The following FTO variants were observed in gnomAD, a reference collection of about 807,000 sequenced individuals.
FTO encodes the protein alpha-ketoglutarate-dependent dioxygenase FTO.
In FTO, 47 loss-of-function variants were observed where a neutral mutation model predicts 63.9. That is an observed-to-expected ratio of 0.74 (90% CI 0.58 to 0.94). The LOEUF (loss-of-function observed/expected upper bound fraction) is 0.94, where lower values mean the gene tolerates loss of function less well. Among genes scored for constraint, FTO ranks in the 40% least tolerant of loss-of-function variants. The pLI is 0.00. For synonymous variants in FTO, 207 were observed against 224.4 expected (o/e 0.92, Z 0.69); for missense variants, 562 against 618.1 (o/e 0.91, Z 0.96).
intron 2 of FTO, among the ~76,000 whole-genome samples, chr16:53,819,133 CTAATT>C (rs1277132204): frequency 3.9e-5 from 6 of 152,228 alleles, no homozygotes; most frequent in East Asian, 3.9e-4. Context: ...TAGACAGTAA[CTAATT>C]TAAGTATAAT....
intron 2 of FTO, among the ~76,000 whole-genome samples, chr16:53,816,008 A>G (rs535776313): frequency 2.0e-4 from 30 of 151,966 alleles, no homozygotes; most frequent in African/African-American, 7.0e-4. Flanking sequence ...ATGGCCTAAA[A>G]TGGCGCCCAA....
At chr16:53,743,838 T>G (rs1215398308) in intron 1 of FTO, among the ~76,000 whole-genome samples, 1 of 151,986 alleles carries the variant, frequency 6.6e-6, no homozygotes, top group Non-Finnish European at 1.5e-5. Context: ...CTTAGAGAGA[T>G]AGGTTAATTT....
intron 8 of FTO, among the ~76,000 whole-genome samples, chr16:53,978,064 G>A (rs1263640982): frequency 6.6e-6 from 1 of 152,082 alleles, no homozygotes; most frequent in African/African-American, 2.4e-5. Flanking sequence ...GGGTCTCACT[G>A]TATTGCCCAG....
intron 4 of FTO, among the ~76,000 whole-genome samples, chr16:53,857,193 G>A (rs1378195068): frequency 2.6e-5 from 4 of 152,096 alleles, no homozygotes; most frequent in African/African-American, 7.2e-5. Context: ...CAGGTAATAA[G>A]CGTAGTACCT....
At chr16:53,764,790 G>A (rs2077159155) in intron 1 of FTO, among the ~76,000 whole-genome samples, 1 of 151,972 alleles carries the variant, frequency 6.6e-6, no homozygotes, top group African/African-American at 2.4e-5. Context: ...CATGATCTTG[G>A]TTCACTGCAA....
At chr16:54,064,401 G>A (rs2144407139) in intron 8 of FTO, among the ~76,000 whole-genome samples, 1 of 152,152 alleles carries the variant, frequency 6.6e-6, no homozygotes, top group Non-Finnish European at 1.5e-5. Context: ...TTGACCCTGG[G>A]TTCTGAGTTT....
intron 1 of FTO, among the ~76,000 whole-genome samples, chr16:53,739,271 TGTCGGCTCACTGCAA>T (rs1329050975): frequency 1.3e-5 from 2 of 152,126 alleles, no homozygotes; most frequent in Admixed American, 1.3e-4. Flanking sequence ...AATGGCACGA[TGTCGGCTCACTGCAA>T]GCTCTGCCTC....
chr16:54,071,286 G>C (rs1416092064), intron 8 of FTO: 2 of 152,242 alleles, frequency 1.3e-5, no homozygotes, highest in Non-Finnish European at 2.9e-5. Flanking sequence ...CTAAATGGCA[G>C]TCCCAGTTGA....
intron 4 of FTO, among the ~76,000 whole-genome samples, chr16:53,858,850 G>A (rs535847421): frequency 1.3e-5 from 2 of 151,972 alleles, no homozygotes; most frequent in Admixed American, 6.6e-5. Context: ...TACTAGAGAC[G>A]GGGTTTCACC....
chr16:54,101,785 T>C (rs2086647846), intron 8 of FTO, among the ~76,000 whole-genome samples: 1 of 152,184 alleles, frequency 6.6e-6, no homozygotes, highest in Non-Finnish European at 1.5e-5. Context: ...CCACCAACAG[T>C]GTATAAGTGT....
At chr16:54,063,445 C>T (rs1233421077) in intron 8 of FTO, among the ~76,000 whole-genome samples, 2 of 152,128 alleles carry the variant, frequency 1.3e-5, no homozygotes, top group African/African-American at 2.4e-5. Context: ...GCTTGAGATC[C>T]GAACAGCGCT....
intron 1 of FTO, among the ~76,000 whole-genome samples, chr16:53,729,508 G>A (rs372155896): frequency 2.0e-5 from 3 of 149,566 alleles, no homozygotes; most frequent in South Asian, 2.1e-4. Context: ...GTATCGGGGG[G>A]AAAAAAAAAG....
chr16:53,797,496 TC>T (rs1164557125), intron 1 of FTO, among the ~76,000 whole-genome samples: 1 of 152,190 alleles, frequency 6.6e-6, no homozygotes, highest in East Asian at 1.9e-4. Flanking sequence ...ACTAATTCAT[TC>T]CTTTTTATTG....
Position 53,796,519 on chromosome 16 carries a change from T to A in FTO, c.46-13621T>A, listed in dbSNP as rs2078075839. Among the ~76,000 whole-genome samples, 3 of 152,118 alleles carry A rather than the reference T, an allele frequency of 2.0e-5. No homozygotes were observed. In the South Asian group the frequency reaches 6.2e-4, roughly 31 times the overall value. Reference sequence around the variant, plus strand: ...GAAGGGAGAAGTAAATTATGTGTGATCCAATATTAGGGACACAAAAAGGGA... The same window carrying A: ...GAAGGGAGAAGTAAATTATGTGTGAACCAATATTAGGGACACAAAAAGGGA... On this transcript the variant is annotated intron_variant, in intron 1 of 8. Coordinates refer to ENST00000471389, the MANE Select transcript of FTO (RefSeq NM_001080432.3).
intron 7 of FTO, among the ~76,000 whole-genome samples, chr16:53,905,546 T>C (rs2081514710): frequency 6.6e-6 from 1 of 152,194 alleles, no homozygotes; most frequent in Non-Finnish European, 1.5e-5. Flanking sequence ...TGTTGCTCCT[T>C]AGACTCTCAT....
chr16:53,926,466 A>T (rs2082139577), intron 7 of FTO, among the ~76,000 whole-genome samples: 1 of 152,196 alleles, frequency 6.6e-6, no homozygotes, highest in Non-Finnish European at 1.5e-5. Context: ...GGCACCTTGG[A>T]GATTATTAAG....
chr16:54,111,521 A>G (rs566330439), intron 8 of FTO, among the ~76,000 whole-genome samples: 2 of 152,304 alleles, frequency 1.3e-5, no homozygotes, highest in East Asian at 3.9e-4. Flanking sequence ...GCTTCTACGA[A>G]GCCACCTGAG....
intron 7 of FTO, among the ~76,000 whole-genome samples, chr16:53,896,836 A>G (rs1267222449): frequency 6.6e-6 from 1 of 152,026 alleles, no homozygotes; most frequent in African/African-American, 2.4e-5. Context: ...ACAATTTGGA[A>G]CTCAGCGCTC....
rs1252516403 is a variant in FTO, at chr16:53,879,918, C to A, written c.1050C>A (p.Asp350Glu). Residue 350 changes from aspartate to glutamate, a missense_variant, in exon 6 of 9, where the codon GAC becomes GAA. Transcript: ENST00000471389. ...LALQNVCDDV[D>E]NDDVSLKSFE... Reference sequence around the variant, plus strand: ...TGCAGAATGTCTGTGACGATGTGGACAATGATGATGTCTCTTTGAAATCCT... The same window carrying A: ...TGCAGAATGTCTGTGACGATGTGGAAAATGATGATGTCTCTTTGAAATCCT... 6 of 1,613,468 alleles carry A rather than the reference C, an allele frequency of 3.7e-6. No individual in the cohort carries two copies. In the East Asian group the frequency reaches 6.7e-5, roughly 18 times the overall value.
Sources: gnomAD v4.1 joint callset for allele counts (sites outside exome capture counted in the v4.1 genomes callset) on GRCh38, gnomAD v4.1.1 for gene constraint, MANE v1.5 for transcripts, NCBI Gene and HGNC (gene_info 2026-07-23, HGNC 2026-07-21) for gene names.